The following RBFOX1 variants were observed in gnomAD, a reference collection of about 807,000 sequenced individuals.
RBFOX1 encodes the protein RNA binding protein fox-1 homolog 1.
RBFOX1 carries 8 observed loss-of-function variants against 57.7 expected under a neutral mutation model. The observed-to-expected ratio is 0.14, with a 90% CI of 0.08 to 0.25. The LOEUF is 0.25. Ranked by LOEUF, RBFOX1 falls within the 10% of genes least tolerant of loss-of-function variation. The probability of loss-of-function intolerance (pLI) is 1.00; values close to 1 mark genes in which losing one functional copy is unlikely to be tolerated. For synonymous variants in RBFOX1, 326 were observed against 222.4 expected (o/e 1.47, Z -4.15); for missense variants, 611 against 548.5 (o/e 1.11, Z -1.14).
chr16:7,404,653 C>T (rs990588721), intron 4 of RBFOX1, among the ~76,000 whole-genome samples: 3 of 152,166 alleles, frequency 2.0e-5, no homozygotes, highest in Non-Finnish European at 2.9e-5. Flanking sequence ...GTGCTGCCAG[C>T]GTTGGAAATA....
At chr16:5,908,658 A>G (rs192994007) in intron 4 of RBFOX1, among the ~76,000 whole-genome samples, 1 of 152,174 alleles carries the variant, frequency 6.6e-6, no homozygotes, top group African/African-American at 2.4e-5. Context: ...CCTCCCTACT[A>G]GGGCCTAAAA....
At chr16:7,423,938 C>T (rs2098576572) in intron 4 of RBFOX1, among the ~76,000 whole-genome samples, 1 of 152,174 alleles carries the variant, frequency 6.6e-6, no homozygotes, top group African/African-American at 2.4e-5. Context: ...CCCAAGAAGT[C>T]ACCTTTTTTG....
At chr16:6,715,301 G>T (rs1019427172) in intron 3 of RBFOX1, among the ~76,000 whole-genome samples, 1 of 151,364 alleles carries the variant, frequency 6.6e-6, no homozygotes, top group African/African-American at 2.4e-5. Context: ...CTGTTCTGTT[G>T]AATTATCTTC....
At chr16:7,386,759 G>A (rs1270757982) in intron 4 of RBFOX1, among the ~76,000 whole-genome samples, 2 of 152,026 alleles carry the variant, frequency 1.3e-5, no homozygotes, top group Non-Finnish European at 2.9e-5. Context: ...GGGATTGCTG[G>A]GTCTAATGGT....
intron 11 of RBFOX1, among the ~76,000 whole-genome samples, chr16:7,641,973 G>C (rs1012013825): frequency 6.6e-6 from 1 of 152,096 alleles, no homozygotes; most frequent in Non-Finnish European, 1.5e-5. Context: ...CACCAAACCA[G>C]ATGTGATGGT....
chr16:7,706,349 A>G (rs1306820993), intron 14 of RBFOX1, among the ~76,000 whole-genome samples: 1 of 152,240 alleles, frequency 6.6e-6, no homozygotes, highest in East Asian at 1.9e-4. Flanking sequence ...TCTGAGGAGT[A>G]GTTCAATGCT....
intron 4 of RBFOX1, among the ~76,000 whole-genome samples, chr16:7,496,117 G>A (rs1174989677): frequency 2.0e-5 from 3 of 151,998 alleles, no homozygotes; most frequent in Non-Finnish European, 4.4e-5. Flanking sequence ...CCTACCTTCT[G>A]GGCATCAGTT....
intron 4 of RBFOX1, among the ~76,000 whole-genome samples, chr16:7,215,113 G>A (rs956115856): frequency 1.3e-5 from 2 of 152,114 alleles, no homozygotes; most frequent in African/African-American, 4.8e-5. Flanking sequence ...CTACGTCCAT[G>A]TGTTCTCATT....
intron 3 of RBFOX1, among the ~76,000 whole-genome samples, chr16:7,010,114 C>G (rs765441644): frequency 2.0e-5 from 3 of 152,186 alleles, no homozygotes; most frequent in African/African-American, 2.4e-5. Context: ...GGCATGAACT[C>G]TATTCTTTGC....
At chr16:5,437,326 G>C (rs1457017018) in intron 1 of RBFOX1, among the ~76,000 whole-genome samples, 1 of 152,088 alleles carries the variant, frequency 6.6e-6, no homozygotes, top group East Asian at 1.9e-4. Flanking sequence ...TTTTGTTTTT[G>C]TAAAGGTAAT....
At chr16:7,655,565 C>A (rs1212564491) in intron 12 of RBFOX1, among the ~76,000 whole-genome samples, 1 of 152,006 alleles carries the variant, frequency 6.6e-6, no homozygotes, top group Non-Finnish European at 1.5e-5. Flanking sequence ...TTTTATGGAT[C>A]CAGAAATGTA....
intron 4 of RBFOX1, among the ~76,000 whole-genome samples, chr16:7,259,754 A>G (rs559800188): frequency 1.6e-4 from 25 of 152,256 alleles, no homozygotes; most frequent in African/African-American, 5.8e-4. Flanking sequence ...TGCTTTATCA[A>G]TAGCTGGTGA....
chr16:7,071,646 T>TATACATAC (rs202241207), intron 4 of RBFOX1, among the ~76,000 whole-genome samples: 7 of 151,388 alleles, frequency 4.6e-5, no homozygotes, highest in African/African-American at 1.7e-4. Flanking sequence ...CTGGGTAATT[T>TATACATAC]ATACATACAT....
At chr16:5,467,999 G>T in intron 2 of RBFOX1, among the ~76,000 whole-genome samples, 1 of 152,148 alleles carries the variant, frequency 6.6e-6, no homozygotes, top group African/African-American at 2.4e-5. Context: ...GGTTTAAGTG[G>T]CAAAGGAGGC....
At chr16:7,280,603 A>T (rs908645220) in intron 4 of RBFOX1, among the ~76,000 whole-genome samples, 1 of 152,148 alleles carries the variant, frequency 6.6e-6, no homozygotes, top group African/African-American at 2.4e-5. Context: ...TGGGGCCGCT[A>T]CCTTCGGAGA....
intron 4 of RBFOX1, among the ~76,000 whole-genome samples, chr16:5,928,991 C>T (rs1250127442): frequency 2.0e-5 from 3 of 150,068 alleles, no homozygotes; most frequent in Non-Finnish European, 4.4e-5. Flanking sequence ...GTGAGCTGGT[C>T]CCTAAGGCCA....
At chr16:7,256,327 G>A (rs2094682118) in intron 4 of RBFOX1, among the ~76,000 whole-genome samples, 1 of 152,118 alleles carries the variant, frequency 6.6e-6, no homozygotes, top group Non-Finnish European at 1.5e-5. Context: ...GCAGATCTCT[G>A]ATGAAGCCAC....
chr16:6,665,910 A>C (rs571706949), intron 3 of RBFOX1, among the ~76,000 whole-genome samples: 3 of 152,082 alleles, frequency 2.0e-5, no homozygotes, highest in Non-Finnish European at 2.9e-5. Context: ...TCTCATCTTG[A>C]ATTGGAGCTC....
chr16:7,415,770 G>C (rs1023801243), intron 4 of RBFOX1, among the ~76,000 whole-genome samples: 3 of 132,424 alleles, frequency 2.3e-5, no homozygotes, highest in African/African-American at 1.1e-4. Context: ...GTGCAGGAAA[G>C]TGGAAGAAAA....
Sources: allele counts gnomAD v4.1 joint callset (sites outside exome capture counted in the v4.1 genomes callset), GRCh38; gene constraint gnomAD v4.1.1; transcripts MANE v1.5; gene names NCBI Gene and HGNC (gene_info 2026-07-23, HGNC 2026-07-21).